Variants in CRADD observed in about 807,000 individuals in gnomAD.
CRADD encodes death domain-containing protein CRADD.
CRADD carries 9 observed loss-of-function variants against 15.5 expected under a neutral mutation model. The ratio of observed to expected loss-of-function variants is 0.58; its 90% CI spans 0.35 to 1.01. The LOEUF (loss-of-function observed/expected upper bound fraction) is 1.01, where lower values mean the gene tolerates loss of function less well. Among genes scored for constraint, CRADD ranks in the 50% least tolerant of loss-of-function variants. The pLI, the probability that CRADD is intolerant of heterozygous loss-of-function variation, is 0.02. For synonymous variants in CRADD, 118 were observed against 107.6 expected (o/e 1.10, Z -0.60); for missense variants, 227 against 250.3 (o/e 0.91, Z 0.63).
intron 2 of CRADD, among the ~76,000 whole-genome samples, chr12:93,873,496 C>T (rs780958762): frequency 6.6e-6 from 1 of 151,954 alleles, no homozygotes; most frequent in Non-Finnish European, 1.5e-5. Flanking sequence ...CTAGAGCTTA[C>T]AGGAAAGGCT....
At chr12:93,789,979 G>C (rs1013327811) in intron 2 of CRADD, among the ~76,000 whole-genome samples, 1 of 152,148 alleles carries the variant, frequency 6.6e-6, no homozygotes, top group Non-Finnish European at 1.5e-5. Flanking sequence ...GAACTCTAAA[G>C]GTAGTAGTTG....
rs1453423459 is a variant in CRADD at position 93,824,500 on chromosome 12, C to G, written c.299-25470C>G. Among the ~76,000 whole-genome samples, 1 of 151,896 alleles carries G rather than the reference C, an allele frequency of 6.6e-6. No homozygotes were observed. The highest frequency in any genetic ancestry group is 2.4e-5 in the African/African-American group (1 of 41,324). On this transcript the variant is annotated intron_variant, in intron 2 of 2. Coordinates refer to ENST00000332896, the MANE Select transcript of CRADD (RefSeq NM_003805.5). The surrounding 1 kb of genome is among the most constrained non-coding windows in gnomAD (Gnocchi z 4.3). ...GGTTTTTGTGTTGTTTTGCTTATTTCTTTCCTTTTAAAAGAAGTACCTTGC... is the reference window on the plus strand; with the variant it reads ...GGTTTTTGTGTTGTTTTGCTTATTTGTTTCCTTTTAAAAGAAGTACCTTGC...
At chr12:93,781,134 G>T (rs1957205904) in intron 2 of CRADD, among the ~76,000 whole-genome samples, 2 of 151,994 alleles carry the variant, frequency 1.3e-5, no homozygotes, top group East Asian at 1.9e-4. Flanking sequence ...GATCATGTCA[G>T]AATGATTCAG....
chr12:93,700,062 G>T (rs1427098326), intron 2 of CRADD, among the ~76,000 whole-genome samples: 3 of 152,170 alleles, frequency 2.0e-5, no homozygotes, highest in Admixed American at 1.3e-4. Context: ...GGTTCCAGGG[G>T]AAGAAGCCAG....
intron 2 of CRADD, among the ~76,000 whole-genome samples, chr12:93,863,154 T>C (rs1958330937): frequency 6.6e-6 from 1 of 152,126 alleles, no homozygotes; most frequent in Admixed American, 6.5e-5. Context: ...GTTCAAGCAG[T>C]GGTTGTATTG....
chr12:93,827,253 G>A (rs73222756), intron 2 of CRADD, among the ~76,000 whole-genome samples: 12,703 of 152,072 alleles, frequency 0.084, 613 homozygotes, highest in Middle Eastern at 0.21. Context: ...AGGCAAACAC[G>A]GATCTGCCTT....
At chr12:93,847,644 C>A (rs1958146157) in intron 2 of CRADD, among the ~76,000 whole-genome samples, 1 of 151,722 alleles carries the variant, frequency 6.6e-6, no homozygotes, top group Non-Finnish European at 1.5e-5. Context: ...AGCATTCAAC[C>A]ATTACAATGC....
At chr12:93,832,704 T>C (rs571060398) in intron 2 of CRADD, among the ~76,000 whole-genome samples, 1 of 152,364 alleles carries the variant, frequency 6.6e-6, no homozygotes, top group African/African-American at 2.4e-5. Context: ...TTGAAAATTT[T>C]GGAGAACAAT....
chr12:93,854,664 C>G (rs376653663), downstream of CRADD, among the ~76,000 whole-genome samples: 24 of 152,226 alleles, frequency 1.6e-4, no homozygotes, highest in South Asian at 5.0e-3. Context: ...AACAGGCAAG[C>G]CTTTCCTAGC....
At chr12:93,837,889 G>C (rs1957992914) in intron 2 of CRADD, 1 of 152,130 alleles carries the variant, frequency 6.6e-6, no homozygotes, top group Admixed American at 6.5e-5. Context: ...TACTACCCAG[G>C]CTTCCTAATT....
intron 2 of CRADD, among the ~76,000 whole-genome samples, chr12:93,729,738 T>C (rs908194053): frequency 6.6e-6 from 1 of 150,754 alleles, no homozygotes; most frequent in African/African-American, 2.5e-5. Flanking sequence ...TGAGCCGAGA[T>C]TGCGCCAGTG....
intron 2 of CRADD, among the ~76,000 whole-genome samples, chr12:93,735,942 C>T (rs1956560122): frequency 6.6e-6 from 1 of 151,606 alleles, no homozygotes; most frequent in African/African-American, 2.4e-5. Flanking sequence ...CCTGTATTTC[C>T]ATCTAGTAGG....
intron 1 of CRADD, chr12:93,677,907 C>T (rs1474839038): frequency 6.6e-6 from 1 of 152,596 alleles, no homozygotes; most frequent in African/African-American, 2.4e-5. Flanking sequence ...ATCTGTCATC[C>T]CTGCCTGCCT....
rs143259902 is a variant in CRADD at position 93,736,445 on chromosome 12, G to A, written c.298+57373G>A. Among the ~76,000 whole-genome samples the A allele has an allele frequency of 4.7e-4, 71 of 152,236 alleles. 1 individual carries two copies. Among genetic ancestry groups the A allele is most frequent in the Middle Eastern group, 6.8e-3 (2 of 294 alleles). On this transcript the variant is annotated intron_variant, in intron 2 of 2. Transcript: ENST00000332896. The stretch of plus-strand genomic sequence containing the variant: ...GTTTTTCCCATCTCTACTTAAAAAC[G>A]TCAACTAGCCCCAACTTTTCCTCTA...
intron 2 of CRADD, chr12:93,837,377 C>T (rs867912917): frequency 1.3e-5 from 2 of 152,044 alleles, no homozygotes; most frequent in Non-Finnish European, 2.9e-5. Context: ...AAGCAATTCT[C>T]CTGCCTCAAC....
intron 2 of CRADD, among the ~76,000 whole-genome samples, chr12:93,871,482 C>T (rs1347549656): frequency 6.6e-6 from 1 of 152,014 alleles, no homozygotes; most frequent in African/African-American, 2.4e-5. Context: ...CCCTGTTTTG[C>T]TATCAAATAG....
At position 93,678,889 on chromosome 12, in the gene CRADD, A is replaced by G; in HGVS notation, c.115A>G (p.Asn39Asp). 1.2e-6 allele frequency: 2 copies of G among 1,614,188 alleles called. No individual in the cohort carries two copies. Among genetic ancestry groups the G allele is most frequent in the Non-Finnish European group, 1.7e-6 (2 of 1,180,020 alleles). Residue 39 changes from asparagine (N) to aspartate (D), a missense_variant, in exon 2 of 3, where the codon AAC (asparagine) becomes GAC (aspartate). Coordinates refer to ENST00000332896, the MANE Select transcript of CRADD (RefSeq NM_003805.5). ...CTACCAGGAAGGAATCTTGACGGAA[A>G]ACCATATTCAAGAAATCAATGCTCA... is the stretch of plus-strand genomic sequence containing the variant. ...YLYQEGILTE[N>D]HIQEINAQTT...
At chr12:93,714,201 T>G (rs987544374) in intron 2 of CRADD, among the ~76,000 whole-genome samples, 1 of 152,230 alleles carries the variant, frequency 6.6e-6, no homozygotes, top group Non-Finnish European at 1.5e-5. Context: ...AAGAAGAGGC[T>G]AAATAGCTGC....
At chr12:93,712,164 G>T (rs1170341752) in intron 2 of CRADD, among the ~76,000 whole-genome samples, 4 of 152,090 alleles carry the variant, frequency 2.6e-5, no homozygotes, top group African/African-American at 9.7e-5. Flanking sequence ...GTATAAAGGT[G>T]GGGTTAATGA....
Sources: gnomAD v4.1 joint callset for allele counts (sites outside exome capture counted in the v4.1 genomes callset) on GRCh38, gnomAD v4.1.1 for gene constraint, Gnocchi (gnomAD v3.1) non-coding constraint, MANE v1.5 for transcripts, NCBI Gene and HGNC (gene_info 2026-07-23, HGNC 2026-07-21) for gene names.